Variants in IQCH observed in about 807,000 individuals in gnomAD.
The protein encoded by IQCH is IQ motif containing H, also known as IQ domain-containing protein H.
Under a neutral mutation model 117.0 loss-of-function variants are expected in IQCH, and 98 were observed. The ratio of observed to expected loss-of-function variants is 0.84; its 90% confidence interval spans 0.71 to 0.99. IQCH has a LOEUF of 0.99. IQCH is among the 50% of genes least tolerant of loss of function. The pLI is 0.00. For synonymous variants in IQCH, 412 were observed against 448.2 expected (o/e 0.92, Z 1.02); for missense variants, 1,102 against 1,243.8 (o/e 0.89, Z 1.72).
intron 18 of IQCH, among the ~76,000 whole-genome samples, chr15:67,480,867 A>G (rs2083320775): frequency 6.6e-6 from 1 of 152,042 alleles, no homozygotes; most frequent in Non-Finnish European, 1.5e-5. Flanking sequence ...TATATTAGGC[A>G]TTGCCGACTG....
intron 4 of IQCH, among the ~76,000 whole-genome samples, chr15:67,286,582 TTTTATTTATTTA>T (rs56267333): frequency 1.4e-5 from 2 of 139,136 alleles, no homozygotes; most frequent in South Asian, 4.7e-4. Flanking sequence ...CATATATGGC[TTTTATTTATTTA>T]TTTATTTATT....
intron 4 of IQCH, among the ~76,000 whole-genome samples, chr15:67,298,727 G>A (rs1360502389): frequency 1.3e-5 from 2 of 152,006 alleles, no homozygotes; most frequent in Admixed American, 6.6e-5. Context: ...TTAGCTGGGT[G>A]TGTTGGTGCA....
At chr15:67,423,864 AAAAG>A (rs1181346503) in intron 16 of IQCH, among the ~76,000 whole-genome samples, 2 of 151,936 alleles carry the variant, frequency 1.3e-5, no homozygotes, top group African/African-American at 2.4e-5. Flanking sequence ...AAAAAAAAAA[AAAAG>A]AAAAGAAAAA....
intron 12 of IQCH, among the ~76,000 whole-genome samples, chr15:67,389,954 C>CT (rs1483845214): frequency 3.3e-5 from 5 of 151,550 alleles, no homozygotes; most frequent in Middle Eastern, 7.0e-3. Flanking sequence ...AGCATTTCTA[C>CT]TTTGCTGGTA....
At chr15:67,276,796 G>C (rs1198583937) in intron 3 of IQCH, among the ~76,000 whole-genome samples, 1 of 152,062 alleles carries the variant, frequency 6.6e-6, no homozygotes, top group African/African-American at 2.4e-5. Flanking sequence ...TATAGGTGTA[G>C]GGTTTTGTTT....
At chr15:67,330,451 C>G (rs1968615573) in intron 4 of IQCH, among the ~76,000 whole-genome samples, 1 of 152,112 alleles carries the variant, frequency 6.6e-6, no homozygotes, top group Admixed American at 6.6e-5. Context: ...AGATTCTTGC[C>G]TTTATTATAG....
In IQCH at chr15:67,447,963, C is replaced by A. The variant is rs892726658; in HGVS notation, c.2506-17164C>A. Among the ~76,000 whole-genome samples the A allele has an allele frequency of 6.6e-6, 1 of 152,224 alleles. No homozygotes were observed. Among genetic ancestry groups the A allele is most frequent in the East Asian group, 1.9e-4 (1 of 5,182 alleles). On this transcript the variant is annotated intron_variant, in intron 16 of 20. Coordinates refer to ENST00000335894, the MANE Select transcript of IQCH (RefSeq NM_001031715.3). This position sits in a 1 kb window ranked among gnomAD's most constrained non-coding sequence, Gnocchi z 5.3. ...CCCTCACTGGGCATTAATTTGCTTT[C>A]GTGTCTGTAGCAGGTATTTTCTACC...
intron 3 of IQCH, among the ~76,000 whole-genome samples, chr15:67,266,498 A>AC (rs1195445520): frequency 1.3e-5 from 2 of 152,130 alleles, no homozygotes; most frequent in African/African-American, 4.8e-5. Flanking sequence ...CTATTAAAAT[A>AC]CAAAAAAAAT....
Position 67,494,359 on chromosome 15 carries a change from A to AT in IQCH, c.2967dup (p.Lys990Ter). 6.2e-7 allele frequency: 1 copy of AT among 1,605,804 alleles called. No individual in the cohort carries two copies. The highest frequency in any genetic ancestry group is 1.1e-5 in the South Asian group (1 of 89,602). ...GCACCTAATATGCAAGGCGAGACCA[A>AT]TTTTAAGGTGAGGTGTTAATTAACT... On this transcript the variant is annotated frameshift_variant, in exon 20 of 21. Coordinates refer to ENST00000335894, the MANE Select transcript of IQCH (RefSeq NM_001031715.3). LOFTEE classifies it low-confidence loss of function (END_TRUNC). This position sits in a 1 kb window ranked among gnomAD's most constrained non-coding sequence, Gnocchi z 5.5.
intron 18 of IQCH, among the ~76,000 whole-genome samples, chr15:67,489,756 T>C (rs1438772042): frequency 6.6e-6 from 1 of 151,652 alleles, no homozygotes; most frequent in Non-Finnish European, 1.5e-5. Context: ...TGAAAATGCC[T>C]TTTTAACAAG....
At position 67,430,973 on chromosome 15, in the gene IQCH, G is replaced by C. The variant is rs2082007035; in HGVS notation, c.2505+9396G>C. 6.6e-6 allele frequency among the ~76,000 whole-genome samples: 1 copy of C among 152,208 alleles called. No individual in the cohort carries two copies. On this transcript the variant is annotated intron_variant, in intron 16 of 20. Coordinates refer to ENST00000335894, the MANE Select transcript of IQCH (RefSeq NM_001031715.3). This position sits in a 1 kb window ranked among gnomAD's most constrained non-coding sequence, Gnocchi z 5.1. ...TTTTTCTACATGCATTCAGACAAGA[G>C]AAAGATCCCTTCTGTTGGGAGCAAT... is the stretch of plus-strand genomic sequence containing the variant.
At chr15:67,489,614 C>G (rs1035703684) in intron 18 of IQCH, among the ~76,000 whole-genome samples, 2 of 151,704 alleles carry the variant, frequency 1.3e-5, no homozygotes, top group African/African-American at 4.9e-5. Context: ...CCGTGCCCAG[C>G]CTCCCCTATA....
At chr15:67,439,436 A>G (rs2082211123) in intron 16 of IQCH, among the ~76,000 whole-genome samples, 1 of 152,192 alleles carries the variant, frequency 6.6e-6, no homozygotes, top group African/African-American at 2.4e-5. Flanking sequence ...ATAGCCGTAA[A>G]TGCCTACCTT....
In IQCH at chr15:67,398,343, A is replaced by T. The variant is rs1971534502; in HGVS notation, c.1906-1771A>T. Reference sequence around the variant, plus strand: ...AATATAAAATCTATATTCTCAACACATTAGAGAAATAAGGAAACAACTTTG... The same window carrying T: ...AATATAAAATCTATATTCTCAACACTTTAGAGAAATAAGGAAACAACTTTG... On this transcript the variant is annotated intron_variant, in intron 13 of 20. Coordinates refer to ENST00000335894, the MANE Select transcript of IQCH (RefSeq NM_001031715.3). 2.0e-5 allele frequency among the ~76,000 whole-genome samples: 3 copies of T among 152,212 alleles called. No homozygotes were observed. The South Asian group carries it at 6.2e-4, about 32-fold the overall frequency.
At position 67,339,009 on chromosome 15, in the gene IQCH, C is replaced by T. The variant is rs1969025687; in HGVS notation, c.508+1914C>T. On this transcript the variant is annotated intron_variant, in intron 5 of 20. Transcript: ENST00000335894. ...TCCTCAAGCACCTGCCCTTTTCCTT[C>T]AGAGATTATCACAATTTATCATAAT... Among the ~76,000 whole-genome samples, 3 of 152,184 alleles carry T rather than the reference C, an allele frequency of 2.0e-5. No individual in the cohort carries two copies. In the South Asian group the frequency reaches 6.2e-4, roughly 31 times the overall value.
At chr15:67,487,723 GC>G (rs1202676429) in intron 18 of IQCH, among the ~76,000 whole-genome samples, 1 of 152,106 alleles carries the variant, frequency 6.6e-6, no homozygotes, top group African/African-American at 2.4e-5. Context: ...CCACTGTTTA[GC>G]CACTGTCTGT....
Position 67,357,415 on chromosome 15 carries a change from A to T in IQCH, c.708A>T (p.Arg236Ser), listed in dbSNP as rs374725274. 58 of 1,588,332 alleles carry T rather than the reference A, an allele frequency of 3.7e-5. No homozygotes were observed. Among genetic ancestry groups the T allele is most frequent in the Non-Finnish European group, 4.9e-5 (57 of 1,156,554 alleles). The change falls in exon 7 of 21, where the codon AGA becomes AGT. Residue 236 changes from arginine to serine, a missense_variant. Arg to Ser is a moderately radical substitution (Grantham distance 110). Coordinates refer to ENST00000335894, the MANE Select transcript of IQCH (RefSeq NM_001031715.3). ...AEVKFFPKKQ[R>S]SKGKSRRSRG... ...TGAAGTTCTTTCCCAAGAAACAAAG[A>T]TCAAAGGTATTTATATTCCTCACTA... is the stretch of plus-strand genomic sequence containing the variant.
chr15:67,408,903 A>G lies in IQCH; in HGVS notation c.2098-8028A>G, dbSNP rs150186862. Among the ~76,000 whole-genome samples the G allele has an allele frequency of 4.3e-3, 654 of 152,328 alleles. 14 individuals carry two copies. Among genetic ancestry groups the G allele is most frequent in the African/African-American group, 0.015 (614 of 41,574 alleles). On this transcript the variant is annotated intron_variant, in intron 14 of 20. Transcript: ENST00000335894. The surrounding 1 kb of genome is among the most constrained non-coding windows in gnomAD (Gnocchi z 4.2). The stretch of plus-strand genomic sequence containing the variant: ...GCTTTAAAATATTGCATGATCTTAG[A>G]ACAGTCATATGTATTTACTTGATAT...
Position 67,254,943 on chromosome 15 carries a change from T to TCCGTTCC in IQCH, c.49_50insGTTCCCC (p.Gln17ArgfsTer6). On this transcript the variant is annotated frameshift_variant, in exon 1 of 21. Transcript: ENST00000335894. LOFTEE classifies it high-confidence loss of function. ...CACGACCCTGTCGGATCCATCTTAA[T>TCCGTTCC]CCAGGTGGGAAACGGGCTTCCCCCG... is the stretch of plus-strand genomic sequence containing the variant. The TCCGTTCC allele has an allele frequency of 6.2e-7, 1 of 1,613,488 alleles. No homozygotes were observed. The highest frequency in any genetic ancestry group is 8.5e-7 in the Non-Finnish European group (1 of 1,179,660).
Sources: allele counts gnomAD v4.1 joint callset (sites outside exome capture counted in the v4.1 genomes callset), GRCh38; gene constraint gnomAD v4.1.1; non-coding constraint Gnocchi (gnomAD v3.1); transcripts MANE v1.5; gene names NCBI Gene and HGNC (gene_info 2026-07-23, HGNC 2026-07-21).